The following ASCC3 variants were observed in gnomAD, a reference collection of about 807,000 sequenced individuals.
ASCC3 encodes activating signal cointegrator 1 complex subunit 3.
A neutral mutation model predicts 256.3 loss-of-function variants in ASCC3; 158 were observed. That is an observed-to-expected ratio of 0.62 (90% CI 0.54 to 0.70). ASCC3 has a LOEUF of 0.70. Ranked by LOEUF, ASCC3 falls within the 30% of genes least tolerant of loss-of-function variation. The pLI is 0.00. For synonymous variants in ASCC3, 948 were observed against 883.4 expected (o/e 1.07, Z -1.30); for missense variants, 2,259 against 2,626.0 (o/e 0.86, Z 3.05).
chr6:100,767,664 A>G (rs1373384390), intron 8 of ASCC3, among the ~76,000 whole-genome samples: 1 of 151,944 alleles, frequency 6.6e-6, no homozygotes, highest in Non-Finnish European at 1.5e-5. Context: ...GCTGGAGTGC[A>G]CTGGCGTGAT....
At position 100,687,030 on chromosome 6, in the gene ASCC3, T is replaced by TCA. The variant is rs1164501730; in HGVS notation, c.2152-7279_2152-7278insTG. Among the ~76,000 whole-genome samples the TCA allele has an allele frequency of 7.7e-3, 1,000 of 129,290 alleles. 15 individuals carry two copies. The highest frequency in any genetic ancestry group is 0.027 in the African/African-American group (935 of 34,174). The allele number at this position is 129,290 out of a possible 152,430, so 84.8% of individuals were successfully genotyped here. A position where few individuals can be genotyped will look rare whatever the true frequency, so the allele number is the denominator to read the frequency against. ...ACTTAAATCTCTCTCTCTCTCTCTC[T>TCA]CTCTCACACACACACACACACACAC... On this transcript the variant is annotated intron_variant, in intron 13 of 41. Coordinates refer to ENST00000369162, the MANE Select transcript of ASCC3 (RefSeq NM_006828.4).
chr6:100,643,861 A>G (rs1374331749), intron 23 of ASCC3, among the ~76,000 whole-genome samples, 170 bp downstream of exon 23: 1 of 151,226 alleles, frequency 6.6e-6, no homozygotes, highest in Non-Finnish European at 1.5e-5. Flanking sequence ...CATTGAATAT[A>G]CCAATACTAT....
chr6:100,530,317 GT>G, intron 37 of ASCC3: 1 of 1,440,982 alleles, frequency 6.9e-7, no homozygotes, highest in Non-Finnish European at 9.8e-7. Flanking sequence ...AAGTTTGTCA[GT>G]TTATGATCTT....
chr6:100,760,674 T>A (rs1781380571), intron 10 of ASCC3, among the ~76,000 whole-genome samples: 1 of 152,160 alleles, frequency 6.6e-6, no homozygotes, highest in South Asian at 2.1e-4. Flanking sequence ...CTGACAAGCA[T>A]AATAACCTAA....
chr6:100,602,005 T>C lies in ASCC3; in HGVS notation c.5178-70A>G, dbSNP rs565235006. 29 of 1,530,974 alleles carry C rather than the reference T, an allele frequency of 1.9e-5. No individual in the cohort carries two copies. In the South Asian group the frequency reaches 2.7e-4, roughly 14 times the overall value. The allele number at this position is 1,530,974 out of a possible 1,614,324, so 94.8% of individuals were successfully genotyped here. On this transcript the variant is annotated intron_variant, in intron 33 of 41. Transcript: ENST00000369162. ...TAAAAACACTGAAATTTATCTCACA[T>C]AGTCAAGATTCAGATTTTATGTTCT...
In ASCC3 at chr6:100,838,087, A is replaced by G. The variant is rs562574033; in HGVS notation, c.801+10061T>C. Among the ~76,000 whole-genome samples, 15 of 152,262 alleles carry G rather than the reference A, an allele frequency of 9.9e-5. No individual in the cohort carries two copies. In the South Asian group the frequency reaches 3.1e-3, roughly 32 times the overall value. On this transcript the variant is annotated intron_variant, in intron 4 of 41. Coordinates refer to ENST00000369162, the MANE Select transcript of ASCC3 (RefSeq NM_006828.4). ...ATGACCAAAAAAGTTTTTAAAAATT[A>G]AAGTTGTTCTATACATTAAAGTAAT...
chr6:100,661,360 A>ACACACACACACACAC (rs1346997501), intron 16 of ASCC3, among the ~76,000 whole-genome samples: 1 of 80,752 alleles, frequency 1.2e-5, no homozygotes. Flanking sequence ...CACACACACA[A>ACACACACACACACAC]AACAAATGAT....
At chr6:100,669,934 T>C (rs948789533) in intron 14 of ASCC3, among the ~76,000 whole-genome samples, 39 of 151,794 alleles carry the variant, frequency 2.6e-4, no homozygotes, top group Non-Finnish European at 4.9e-4. Flanking sequence ...ACAGATGAAG[T>C]AGGTGTATGG....
At chr6:100,595,862 C>T (rs118002230) in intron 34 of ASCC3, among the ~76,000 whole-genome samples, 2,339 of 152,226 alleles carry the variant, frequency 0.015, 23 homozygotes, top group East Asian at 0.045. Flanking sequence ...TTTTTGTTTA[C>T]AACTTTATTA....
chr6:100,631,285 C>G (rs1242054651), intron 25 of ASCC3, 72 bp from the exon 26 acceptor site: 6 of 1,260,190 alleles, frequency 4.8e-6, no homozygotes, highest in Non-Finnish European at 6.9e-6. Flanking sequence ...AAGTAAACTC[C>G]AAAAAATTTG....
chr6:100,778,840 T>C (rs745361060), intron 8 of ASCC3, among the ~76,000 whole-genome samples: 1 of 152,128 alleles, frequency 6.6e-6, no homozygotes, highest in Non-Finnish European at 1.5e-5. Flanking sequence ...TATAATATCA[T>C]AGATCTCACA....
intron 37 of ASCC3, chr6:100,530,743 A>G (rs182179369): frequency 3.0e-5 from 29 of 966,932 alleles, no homozygotes; most frequent in Admixed American, 2.9e-4. Context: ...CAATTTAAGG[A>G]TTTTTACCAG....
At chr6:100,841,775 C>T (rs1772155480) in intron 4 of ASCC3, among the ~76,000 whole-genome samples, 1 of 151,952 alleles carries the variant, frequency 6.6e-6, no homozygotes, top group Non-Finnish European at 1.5e-5. Context: ...GACTTTGTTG[C>T]CCCATTGCAC....
chr6:100,844,500 C>CGCA (rs1170403453), intron 4 of ASCC3, among the ~76,000 whole-genome samples: 2 of 151,872 alleles, frequency 1.3e-5, no homozygotes, highest in African/African-American at 4.8e-5. Flanking sequence ...CTGAAACACC[C>CGCA]GCAGCAGGAA....
At chr6:100,579,077 T>C (rs1338733753) in intron 36 of ASCC3, among the ~76,000 whole-genome samples, 1 of 152,076 alleles carries the variant, frequency 6.6e-6, no homozygotes, top group African/African-American at 2.4e-5. Context: ...TTCTAATGAT[T>C]AGTGACGTTG....
intron 4 of ASCC3, among the ~76,000 whole-genome samples, chr6:100,845,210 C>T (rs2114495935): frequency 1.3e-5 from 2 of 152,214 alleles, no homozygotes; most frequent in South Asian, 4.1e-4. Context: ...TACTCTGTAA[C>T]TCCAGACAAA....
chr6:100,632,182 T>TAAAAAAAAAAAAAAA (rs35229827), intron 25 of ASCC3, among the ~76,000 whole-genome samples: 1 of 102,016 alleles, frequency 9.8e-6, no homozygotes, highest in African/African-American at 3.8e-5. Context: ...GCAAACTATC[T>TAAAAAAAAAAAAAAA]AAAAAAAAAA....
At chr6:100,829,985 A>G (rs1317454844) in intron 4 of ASCC3, among the ~76,000 whole-genome samples, 1 of 152,082 alleles carries the variant, frequency 6.6e-6, no homozygotes, top group Admixed American at 6.6e-5. Context: ...CAAGGAGGCT[A>G]CTAAGTGTCT....
At chr6:100,544,380 G>A (rs1775604848) in intron 36 of ASCC3, among the ~76,000 whole-genome samples, 1 of 151,898 alleles carries the variant, frequency 6.6e-6, no homozygotes, top group South Asian at 2.1e-4. Flanking sequence ...GAGACCAAAA[G>A]CCGGTTCTTT....
Sources: allele counts gnomAD v4.1 joint callset (sites outside exome capture counted in the v4.1 genomes callset), GRCh38; gene constraint gnomAD v4.1.1; transcripts MANE v1.5; gene names NCBI Gene and HGNC (gene_info 2026-07-23, HGNC 2026-07-21).